Variants in DST observed in about 807,000 individuals in gnomAD.
DST encodes dystonin, also known as bullous pemphigoid antigen.
In DST, 253 loss-of-function variants were observed where a neutral mutation model predicts 875.2. The ratio of observed to expected loss-of-function variants is 0.29; its 90% CI spans 0.26 to 0.32. DST has a LOEUF of 0.32. DST is among the 10% of genes least tolerant of loss of function. The probability of loss-of-function intolerance (pLI) is 1.00; values close to 1 mark genes in which losing one functional copy is unlikely to be tolerated. For synonymous variants in DST, 3,124 were observed against 3,197.1 expected, an observed-to-expected ratio of 0.98 and a Z score of 0.77; for missense variants, 8,287 against 9,111.6, an observed-to-expected ratio of 0.91 and a Z score of 3.68.
intron 49 of DST, among the ~76,000 whole-genome samples, chr6:56,591,646 C>CA (rs1165986492): frequency 1.3e-5 from 2 of 151,364 alleles, no homozygotes; most frequent in Non-Finnish European, 3.0e-5. Context: ...GGGCACGTCA[C>CA]AAGCCATAAC....
intron 3 of DST, among the ~76,000 whole-genome samples, chr6:56,874,568 G>A (rs1320466672): frequency 2.6e-5 from 4 of 152,068 alleles, no homozygotes; most frequent in Non-Finnish European, 5.9e-5. Context: ...CTTATGAAAC[G>A]TGCATTGCTA....
intron 4 of DST, among the ~76,000 whole-genome samples, chr6:56,755,606 A>G (rs2099600307): frequency 2.0e-5 from 3 of 152,160 alleles, no homozygotes; most frequent in African/African-American, 7.2e-5. Flanking sequence ...CAAATCCCCT[A>G]TTCTTGCTAA....
chr6:56,654,977 A>T (rs1166903555), intron 10 of DST, among the ~76,000 whole-genome samples: 1 of 151,978 alleles, frequency 6.6e-6, no homozygotes, highest in African/African-American at 2.4e-5. Context: ...CCTGGCCAAT[A>T]TGGTGAAACC....
intron 85 of DST, 74 bp from the exon 86 acceptor site, chr6:56,489,683 A>C (rs1250596437): frequency 1.4e-6 from 2 of 1,392,054 alleles, no homozygotes; most frequent in Admixed American, 4.4e-5. Flanking sequence ...CAGTTTTAAG[A>C]CAGAGATTAA....
At chr6:56,543,719 G>A (rs2097176787) in intron 61 of DST, among the ~76,000 whole-genome samples, 1 of 152,134 alleles carries the variant, frequency 6.6e-6, no homozygotes, top group Non-Finnish European at 1.5e-5. Context: ...ACAAAACTGT[G>A]CTAACTCCAA....
intron 3 of DST, among the ~76,000 whole-genome samples, chr6:56,893,247 T>G (rs1284926270): frequency 6.6e-6 from 1 of 152,210 alleles, no homozygotes; most frequent in Non-Finnish European, 1.5e-5. Context: ...AGTGAGAACA[T>G]ATGATGTTTG....
At chr6:56,902,069 T>G (rs1218471997) in intron 2 of DST, among the ~76,000 whole-genome samples, 1 of 152,182 alleles carries the variant, frequency 6.6e-6, no homozygotes, top group Non-Finnish European at 1.5e-5. Flanking sequence ...ATTTGAAGAA[T>G]GAATTGAATT....
chr6:56,712,177 T>C (rs2099369624), intron 5 of DST, among the ~76,000 whole-genome samples: 1 of 152,046 alleles, frequency 6.6e-6, no homozygotes, highest in Admixed American at 6.6e-5. Flanking sequence ...CAGGAGAATA[T>C]GGGCATTACC....
At chr6:56,635,521 T>A (rs2098816424) in intron 24 of DST, 68 bp downstream of exon 24, 3 of 1,497,540 alleles carry the variant, frequency 2.0e-6, no homozygotes, top group Admixed American at 1.7e-5. Context: ...TACAAAGTTC[T>A]GCTCATATAA....
chr6:56,692,930 G>GAGCT (rs1194537986), intron 9 of DST: 115 of 1,289,598 alleles, frequency 8.9e-5, no homozygotes, highest in Non-Finnish European at 1.1e-4. Context: ...CTGGATAAAG[G>GAGCT]AGCTGGCTGT....
intron 49 of DST, among the ~76,000 whole-genome samples, chr6:56,582,371 T>A (rs574406179): frequency 6.6e-6 from 1 of 152,226 alleles, no homozygotes; most frequent in East Asian, 1.9e-4. Context: ...TTTAAAAGTA[T>A]GTAGCACTTC....
At chr6:56,498,172 G>A (rs2152453734) in intron 80 of DST, 119 bp from the exon 81 acceptor site, 1 of 1,022,272 alleles carries the variant, frequency 9.8e-7, no homozygotes, top group South Asian at 1.7e-5. Flanking sequence ...TATATGTGTA[G>A]AATTTTAATT....
chr6:56,886,715 C>T (rs1421243689), intron 3 of DST, among the ~76,000 whole-genome samples: 5 of 139,018 alleles, frequency 3.6e-5, no homozygotes, highest in African/African-American at 1.3e-4. Flanking sequence ...GTGGAGTTTG[C>T]GGTGAGCCGG....
chr6:56,660,340 C>CAAAACA (rs912661942), intron 10 of DST, among the ~76,000 whole-genome samples: 2 of 152,026 alleles, frequency 1.3e-5, no homozygotes, highest in Non-Finnish European at 2.9e-5. Flanking sequence ...AAGTGTAAAA[C>CAAAACA]AAAACAAAAA....
Position 56,628,105 on chromosome 6 carries a change from T to C in DST, c.4532A>G (p.His1511Arg), listed in dbSNP as rs765550594. ...KSLKYYRDTY[H>R]PLDDWIQQVE... ...CTGCTGGATCCAATCATCTAAAGGA[T>C]GGTAAGTGTCTCTGTAGTACTTCAG... Residue 1511 changes from histidine (H) to arginine (R), a missense_variant, in exon 33 of 104, where the codon CAT (histidine) becomes CGT (arginine). By Grantham distance (29) the His-to-Arg change is conservative. Around this residue, in one of 10 missense-constraint regions of DST, gnomAD observed 3,138 missense variants for 3,116.6 expected, o/e 1.01. Transcript: ENST00000680361. 12 of 1,613,762 alleles carry C rather than the reference T, an allele frequency of 7.4e-6. No homozygotes were observed. In the South Asian group the frequency reaches 9.9e-5, roughly 13 times the overall value.
intron 2 of DST, among the ~76,000 whole-genome samples, chr6:56,947,726 C>G (rs1449484062): frequency 6.6e-6 from 1 of 152,226 alleles, no homozygotes; most frequent in Non-Finnish European, 1.5e-5. Flanking sequence ...GTCCCTTTCT[C>G]TAACCATACT....
chr6:56,458,766 C>T lies in DST; in HGVS notation c.*239G>A, dbSNP rs2094179090. 4 of 400,912 alleles carry T rather than the reference C, an allele frequency of 1.0e-5. No individual in the cohort carries two copies. The highest frequency in any genetic ancestry group is 1.8e-5 in the Non-Finnish European group (4 of 228,394). 24.8% of individuals were successfully genotyped at this position (400,912 alleles called of 1,614,324 possible). On this transcript the variant is annotated 3_prime_UTR_variant, in exon 104 of 104. Transcript: ENST00000680361. ...AGTGTGTGCCCGGCACGTTACAGTG[C>T]AGAAATGTTAGTTCATGTTAAACTT...
At chr6:56,920,520 T>C (rs1461711475) in intron 2 of DST, among the ~76,000 whole-genome samples, 2 of 152,178 alleles carry the variant, frequency 1.3e-5, no homozygotes, top group Non-Finnish European at 2.9e-5. Context: ...TAGAAATTCA[T>C]AGTCTCTACT....
At chr6:56,833,539 G>A (rs1273421384) in intron 4 of DST, among the ~76,000 whole-genome samples, 7 of 151,882 alleles carry the variant, frequency 4.6e-5, no homozygotes, top group African/African-American at 1.5e-4. Flanking sequence ...AGAACAGTTC[G>A]ACTAATTTTA....
Sources: gnomAD v4.1 joint callset for allele counts (sites outside exome capture counted in the v4.1 genomes callset) on GRCh38, gnomAD v4.1.1 for gene constraint, gnomAD v4.1.1 regional missense constraint, MANE v1.5 for transcripts, NCBI Gene and HGNC (gene_info 2026-07-23, HGNC 2026-07-21) for gene names.